FOCAD: variants seen among roughly 807,000 people sequenced by gnomAD.
FOCAD encodes focadhesin.
FOCAD carries 198 observed loss-of-function variants against 225.6 expected under a neutral mutation model. The observed-to-expected ratio is 0.88, with a 90% CI of 0.78 to 0.99. The LOEUF is 0.99. FOCAD is among the 50% of genes least tolerant of loss of function. FOCAD has a pLI of 0.00. For missense variants in FOCAD, 2,713 were observed against 2,123.6 expected (o/e 1.28, Z -5.46); for synonymous variants, 897 against 755.0 (o/e 1.19, Z -3.08).
rs558229222 is a variant in FOCAD, at chr9:20,723,360, T to C, written c.287+2826T>C. Among the ~76,000 whole-genome samples the C allele has an allele frequency of 1.1e-3, 169 of 152,270 alleles. No homozygotes were observed. The East Asian group carries it at 0.015, about 13-fold the overall frequency. The stretch of plus-strand genomic sequence containing the variant: ...AAAATTAGCCGGGCGTGGTGACTTA[T>C]GCCTGTAATCCCAGCTACTCGGGAG... On this transcript the variant is annotated intron_variant, in intron 4 of 43. Transcript: ENST00000338382.
intron 23 of FOCAD, 78 bp from the exon 24 acceptor site, chr9:20,916,815 T>C: frequency 7.5e-7 from 1 of 1,329,792 alleles, no homozygotes; most frequent in East Asian, 2.5e-5. Flanking sequence ...TGGAGGTTCT[T>C]ATTAATTGAT....
At chr9:20,670,574 G>A (rs7872857) in intron 2 of FOCAD, among the ~76,000 whole-genome samples, 124,594 of 152,050 alleles carry the variant, frequency 0.82, 51,098 homozygotes, top group South Asian at 0.87. Flanking sequence ...ATTCATTATC[G>A]CGAGAACAGC....
At chr9:20,918,247 TC>T (rs1834037498) in intron 24 of FOCAD, among the ~76,000 whole-genome samples, 2 of 152,228 alleles carry the variant, frequency 1.3e-5, no homozygotes, top group South Asian at 4.1e-4. Context: ...ACCAACTTTC[TC>T]CTAAAGCAAA....
At chr9:20,691,844 G>A (rs1823000111) in intron 1 of FOCAD, among the ~76,000 whole-genome samples, 1 of 151,938 alleles carries the variant, frequency 6.6e-6, no homozygotes, top group African/African-American at 2.4e-5. Context: ...CACGATCTCG[G>A]CTCACTGCAA....
At chr9:20,870,267 A>G (rs756581724) in intron 18 of FOCAD, among the ~76,000 whole-genome samples, 2 of 152,230 alleles carry the variant, frequency 1.3e-5, no homozygotes, top group Non-Finnish European at 2.9e-5. Flanking sequence ...TTTAAAGTGA[A>G]TGTCACTGCA....
At chr9:20,963,058 C>T (rs1287524956) in intron 35 of FOCAD, among the ~76,000 whole-genome samples, 1 of 152,156 alleles carries the variant, frequency 6.6e-6, no homozygotes, top group East Asian at 1.9e-4. Context: ...AATATTTTCT[C>T]AATTTCCAAC....
At chr9:20,937,299 G>A (rs1383455301) in intron 28 of FOCAD, among the ~76,000 whole-genome samples, 3 of 150,588 alleles carry the variant, frequency 2.0e-5, no homozygotes, top group Admixed American at 6.6e-5. Context: ...GAACAAAGCT[G>A]GAGGCATCAC....
At chr9:20,854,763 G>A (rs922767303) in intron 15 of FOCAD, among the ~76,000 whole-genome samples, 20 of 151,594 alleles carry the variant, frequency 1.3e-4, no homozygotes, top group African/African-American at 4.6e-4. Flanking sequence ...TGAGTCATTC[G>A]TACATAAATA....
intron 20 of FOCAD, among the ~76,000 whole-genome samples, chr9:20,882,928 T>G (rs1006522725): frequency 1.3e-5 from 2 of 152,132 alleles, no homozygotes; most frequent in Non-Finnish European, 2.9e-5. Flanking sequence ...GGGGGTGTTG[T>G]GGGGAGATAT....
Position 20,774,312 on chromosome 9 carries a change from G to A in FOCAD, c.906+4074G>A, listed in dbSNP as rs372321502. ...TTTCCAAGACTACAGGGGATGGTGTGTTCTGTCATCAAGAGGCACAATGTG... is the reference window on the plus strand; with the variant it reads ...TTTCCAAGACTACAGGGGATGGTGTATTCTGTCATCAAGAGGCACAATGTG... On this transcript the variant is annotated intron_variant, in intron 8 of 43. Transcript: ENST00000338382. Among the ~76,000 whole-genome samples, 116 of 152,268 alleles carry A rather than the reference G, an allele frequency of 7.6e-4. 1 individual carries two copies. The highest frequency in any genetic ancestry group is 2.6e-3 in the African/African-American group (108 of 41,546).
chr9:20,838,382 A>G (rs1344514992), intron 15 of FOCAD, among the ~76,000 whole-genome samples: 1 of 151,930 alleles, frequency 6.6e-6, no homozygotes, highest in Non-Finnish European at 1.5e-5. Context: ...AATGAGTAAG[A>G]TGTTCTCTGG....
rs149861146 is a variant in FOCAD at position 20,931,435 on chromosome 9, G to A, written c.3318-1579G>A. ...ACCTTCCCAATTTGTTGGAATTGAG[G>A]AATCTCAAATATTTGCCTTTTGATA... On this transcript the variant is annotated intron_variant, in intron 27 of 43. Transcript: ENST00000338382. Among the ~76,000 whole-genome samples, 314 of 152,238 alleles carry A rather than the reference G, an allele frequency of 2.1e-3. 2 individuals carry two copies. Among genetic ancestry groups the A allele is most frequent in the African/African-American group, 7.3e-3 (304 of 41,542 alleles).
At chr9:20,753,229 T>C (rs1264975793) in intron 5 of FOCAD, among the ~76,000 whole-genome samples, 3 of 151,198 alleles carry the variant, frequency 2.0e-5, no homozygotes, top group Admixed American at 6.6e-5. Context: ...GGCATCCCTG[T>C]CTTGTGCCAG....
At position 20,780,022 on chromosome 9, in the gene FOCAD, A is replaced by G. The variant is rs554199057; in HGVS notation, c.994+1254A>G. ...GTGCACATGGGATCTACCCAAAGGT[A>G]TAATTTACCCGTGCTGGTACTTCTG... On this transcript the variant is annotated intron_variant, in intron 9 of 43. Coordinates refer to ENST00000338382, the MANE Select transcript of FOCAD (RefSeq NM_001375567.1). Among the ~76,000 whole-genome samples, 33 of 152,330 alleles carry G rather than the reference A, an allele frequency of 2.2e-4. 1 individual carries two copies. The South Asian group carries it at 5.8e-3, about 27-fold the overall frequency.
chr9:20,835,122 A>G (rs970741601), intron 15 of FOCAD, among the ~76,000 whole-genome samples: 5 of 152,008 alleles, frequency 3.3e-5, no homozygotes, highest in African/African-American at 1.2e-4. Context: ...GTCAGAATTT[A>G]TCAAACTGTA....
At chr9:20,753,070 G>A (rs547281291) in intron 5 of FOCAD, among the ~76,000 whole-genome samples, 1 of 152,214 alleles carries the variant, frequency 6.6e-6, no homozygotes, top group East Asian at 1.9e-4. Flanking sequence ...CTGAGTCAAT[G>A]GGGTTTTCTA....
chr9:20,801,424 C>T (rs910281238), intron 11 of FOCAD, among the ~76,000 whole-genome samples: 7 of 152,104 alleles, frequency 4.6e-5, no homozygotes, highest in Non-Finnish European at 7.3e-5. Context: ...TCAAGTGATC[C>T]ACCTGCCTTG....
chr9:20,795,912 C>T (rs1821038145), intron 11 of FOCAD, among the ~76,000 whole-genome samples: 1 of 151,636 alleles, frequency 6.6e-6, no homozygotes, highest in African/African-American at 2.4e-5. Flanking sequence ...GTGCTGTCCC[C>T]AATAACGCGT....
intron 1 of FOCAD, among the ~76,000 whole-genome samples, chr9:20,705,404 GGT>G (rs1310353150): frequency 1.3e-5 from 2 of 152,072 alleles, no homozygotes; most frequent in Non-Finnish European, 2.9e-5. Flanking sequence ...GAATTAGGTA[GGT>G]TATTTTAGAG....
Sources: allele counts gnomAD v4.1 joint callset (sites outside exome capture counted in the v4.1 genomes callset), GRCh38; gene constraint gnomAD v4.1.1; transcripts MANE v1.5; gene names NCBI Gene and HGNC (gene_info 2026-07-23, HGNC 2026-07-21).